ACTN1: variants seen among roughly 807,000 people sequenced by gnomAD.
ACTN1 encodes the protein alpha-actinin-1.
Under a neutral mutation model 119.6 loss-of-function variants are expected in ACTN1, and 30 were observed. That is an observed-to-expected ratio of 0.25 (90% CI 0.19 to 0.34). The LOEUF (loss-of-function observed/expected upper bound fraction) is 0.34, where lower values mean the gene tolerates loss of function less well. Ranked by LOEUF, ACTN1 falls within the 10% of genes least tolerant of loss-of-function variation. The pLI is 1.00. For missense variants in ACTN1, 764 were observed against 1,223.4 expected, an observed-to-expected ratio of 0.62 and a Z score of 5.60; for synonymous variants, 429 against 472.6, an observed-to-expected ratio of 0.91 and a Z score of 1.20.
intron 1 of ACTN1, among the ~76,000 whole-genome samples, chr14:68,941,892 T>C (rs1207096029): frequency 1.3e-5 from 2 of 152,072 alleles, no homozygotes; most frequent in Non-Finnish European, 2.9e-5. Context: ...AGTCAAAACT[T>C]GATCAATAGG....
chr14:68,895,810 A>G, intron 8 of ACTN1, among the ~76,000 whole-genome samples: 1 of 152,142 alleles, frequency 6.6e-6, no homozygotes, highest in Admixed American at 6.5e-5. Flanking sequence ...GGGATTTTAC[A>G]TGTGTCCTAT....
rs535023289 is a variant in ACTN1 at position 68,975,800 on chromosome 14, C to T, written c.105+3152G>A. 3.9e-5 allele frequency among the ~76,000 whole-genome samples: 6 copies of T among 152,292 alleles called. No homozygotes were observed. In the South Asian group the frequency reaches 1.0e-3, roughly 26 times the overall value. On this transcript the variant is annotated intron_variant, in intron 1 of 21. Coordinates refer to ENST00000394419, the MANE Select transcript of ACTN1 (RefSeq NM_001130004.2). Reference sequence around the variant, plus strand: ...GGCATGGCGACCAGCCCATGAACTCCGTACCGAAGCATTCTTTGAAAGAGG... The same window carrying T: ...GGCATGGCGACCAGCCCATGAACTCTGTACCGAAGCATTCTTTGAAAGAGG...
intron 11 of ACTN1, chr14:68,887,538 C>T (rs1370032780): frequency 7.8e-7 from 1 of 1,285,428 alleles, no homozygotes; most frequent in African/African-American, 1.5e-5. Flanking sequence ...CAGTCAAAGC[C>T]TCCCATAATT....
intron 11 of ACTN1, among the ~76,000 whole-genome samples, chr14:68,889,630 A>G (rs1415393699): frequency 1.3e-5 from 2 of 152,208 alleles, no homozygotes; most frequent in African/African-American, 4.8e-5. Context: ...CTAAAAATAC[A>G]AAAATCAGCT....
chr14:68,914,468 T>C (rs1266521461), intron 3 of ACTN1, among the ~76,000 whole-genome samples: 2 of 152,076 alleles, frequency 1.3e-5, no homozygotes, highest in African/African-American at 4.8e-5. Flanking sequence ...ATTAGCAAAG[T>C]TAAAAAACAA....
intron 1 of ACTN1, among the ~76,000 whole-genome samples, chr14:68,937,048 GCCT>G (rs1337304011): frequency 6.6e-6 from 1 of 152,058 alleles, no homozygotes; most frequent in African/African-American, 2.4e-5. Context: ...GCTCTTGTAT[GCCT>G]CCTCCTTCCT....
At chr14:68,962,457 T>C (rs182119966) in intron 1 of ACTN1, among the ~76,000 whole-genome samples, 1 of 152,262 alleles carries the variant, frequency 6.6e-6, no homozygotes, top group East Asian at 1.9e-4. Flanking sequence ...CACAGGTCAC[T>C]TACCCACCCT....
chr14:68,908,845 A>T (rs932696071), intron 6 of ACTN1, among the ~76,000 whole-genome samples: 1 of 152,174 alleles, frequency 6.6e-6, no homozygotes, highest in Non-Finnish European at 1.5e-5. Flanking sequence ...ACCAAAAGAA[A>T]ATCCCCCAGC....
At chr14:68,924,517 G>A (rs1004154868) in intron 2 of ACTN1, among the ~76,000 whole-genome samples, 1 of 152,248 alleles carries the variant, frequency 6.6e-6, no homozygotes, top group Non-Finnish European at 1.5e-5. Context: ...GATTCCATAA[G>A]CTATGCTAAG....
At chr14:68,896,812 C>A (rs1228213976) in intron 8 of ACTN1, among the ~76,000 whole-genome samples, 2 of 152,136 alleles carry the variant, frequency 1.3e-5, no homozygotes, top group East Asian at 3.8e-4. Context: ...GTAACAGATG[C>A]ACAGATAATT....
chr14:68,900,069 C>T (rs538769013), intron 8 of ACTN1, among the ~76,000 whole-genome samples: 127 of 152,146 alleles, frequency 8.3e-4, no homozygotes, highest in African/African-American at 2.9e-3. Flanking sequence ...AGCCTCCAGA[C>T]GGGGCTGGTC....
At position 68,910,266 on chromosome 14, in the gene ACTN1, T is replaced by C. The variant is rs1106521; in HGVS notation, c.428-224A>G. ...TTCAGAGCTAGTCGTGTTACACGTG[T>C]AAATTTTGAGACAACAGTTTTTCAA... On this transcript the variant is annotated intron_variant, in intron 4 of 21. Transcript: ENST00000394419. Among the ~76,000 whole-genome samples, 27,070 of 152,238 alleles carry C rather than the reference T, an allele frequency of 0.18. 3,257 individuals are homozygous for C. The highest frequency in any genetic ancestry group is 0.63 in the East Asian group (3,279 of 5,178).
chr14:68,963,805 C>A (rs1482987501), intron 1 of ACTN1, among the ~76,000 whole-genome samples: 1 of 152,236 alleles, frequency 6.6e-6, no homozygotes, highest in Non-Finnish European at 1.5e-5. Context: ...AATAAAATAG[C>A]CCAGATGATT....
intron 3 of ACTN1, among the ~76,000 whole-genome samples, chr14:68,912,780 G>A (rs928283405): frequency 3.9e-5 from 6 of 152,128 alleles, no homozygotes; most frequent in African/African-American, 1.4e-4. Flanking sequence ...TGGAGACAGT[G>A]GGTACATCAG....
At position 68,874,979 on chromosome 14, in the gene ACTN1, T is replaced by G. The variant is rs1267172092; in HGVS notation, c.2625A>C (p.Pro875=). The change falls in exon 22 of 22, where the codon CCA becomes CCC. Residue 875 remains proline (P), a synonymous_variant. Coordinates refer to ENST00000394419, the MANE Select transcript of ACTN1 (RefSeq NM_001130004.2). Reference sequence around the variant, plus strand: ...CGATGCAGTACTCAGCCTGGTCGGGTGGCAGCTCGCGGCGCAGCTCGTCCA... The same window carrying G: ...CGATGCAGTACTCAGCCTGGTCGGGGGGCAGCTCGCGGCGCAGCTCGTCCA... ...ITMDELRREL[P]PDQAEYCIAR... 10 of 1,613,734 alleles carry G rather than the reference T, an allele frequency of 6.2e-6. No homozygotes were observed. In the African/African-American group the frequency reaches 1.1e-4, roughly 17 times the overall value.
rs952159952 is a variant in ACTN1 at position 68,921,352 on chromosome 14, C to T, written c.221-227G>A. 2.6e-4 allele frequency: 119 copies of T among 455,084 alleles called. No individual in the cohort carries two copies. The Middle Eastern group carries it at 4.2e-3, about 16-fold the overall frequency. The allele number at this position is 455,084 out of a possible 1,614,324, so 28.2% of individuals were successfully genotyped here. ...CTCTTCTTTCTTCTGCTTCTCAGGT[C>T]GAAATCTGCTTGCATCCACTCAACA... On this transcript the variant is annotated intron_variant, in intron 2 of 21. Coordinates refer to ENST00000394419, the MANE Select transcript of ACTN1 (RefSeq NM_001130004.2).
chr14:68,899,370 C>T (rs2033139826), intron 8 of ACTN1, among the ~76,000 whole-genome samples: 1 of 126,334 alleles, frequency 7.9e-6, no homozygotes, highest in South Asian at 2.4e-4. Flanking sequence ...CCAGTCCCCA[C>T]ACCCCATACA....
At chr14:68,936,271 T>C (rs755751670) in intron 1 of ACTN1, among the ~76,000 whole-genome samples, 2 of 152,156 alleles carry the variant, frequency 1.3e-5, no homozygotes, top group Non-Finnish European at 2.9e-5. Context: ...TCAGTGTTTC[T>C]GTCTCAAGAC....
intron 1 of ACTN1, among the ~76,000 whole-genome samples, chr14:68,930,203 A>G (rs957660236): frequency 2.0e-4 from 31 of 152,226 alleles, no homozygotes; most frequent in African/African-American, 7.2e-4. Context: ...TTTGAGCCTC[A>G]GTTTTCAAGT....
Sources: gnomAD v4.1 joint callset for allele counts (sites outside exome capture counted in the v4.1 genomes callset) on GRCh38, gnomAD v4.1.1 for gene constraint, MANE v1.5 for transcripts, NCBI Gene and HGNC (gene_info 2026-07-23, HGNC 2026-07-21) for gene names.